The following PLD1 variants were observed in gnomAD, a reference collection of about 807,000 sequenced individuals.
PLD1 encodes the protein phospholipase D1.
A neutral mutation model predicts 137.1 loss-of-function variants in PLD1; 112 were observed. The observed-to-expected ratio is 0.82, with a 90% CI of 0.70 to 0.96. The LOEUF (loss-of-function observed/expected upper bound fraction) is 0.96, where lower values mean the gene tolerates loss of function less well. PLD1 is among the 40% of genes least tolerant of loss of function. The probability of loss-of-function intolerance (pLI) is 0.00; values close to 1 mark genes in which losing one functional copy is unlikely to be tolerated. For synonymous variants in PLD1, 431 were observed against 454.7 expected (o/e 0.95, Z 0.66); for missense variants, 1,321 against 1,342.0 (o/e 0.98, Z 0.24).
chr3:171,711,035 G>T (rs1218582322), intron 9 of PLD1, among the ~76,000 whole-genome samples: 1 of 151,162 alleles, frequency 6.6e-6, no homozygotes, highest in Admixed American at 6.6e-5. Flanking sequence ...CTCCACGCCC[G>T]GCTAATTTTG....
intron 14 of PLD1, 109 bp downstream of exon 14, chr3:171,688,567 C>T: frequency 1.1e-6 from 1 of 886,948 alleles, no homozygotes; most frequent in Non-Finnish European, 1.8e-6. Flanking sequence ...TTTTCCCCTC[C>T]AAGGAGACAC....
At chr3:171,693,981 C>T (rs1449730036) in intron 12 of PLD1, among the ~76,000 whole-genome samples, 1 of 152,098 alleles carries the variant, frequency 6.6e-6, no homozygotes, top group East Asian at 1.9e-4. Context: ...TAGATCACAT[C>T]ACAAGATACA....
intron 16 of PLD1, among the ~76,000 whole-genome samples, chr3:171,686,081 C>G (rs1578270649): frequency 6.7e-6 from 1 of 149,538 alleles, no homozygotes; most frequent in East Asian, 2.0e-4. Flanking sequence ...CCAAGACGGC[C>G]CTACTGCACT....
At chr3:171,604,478 G>T (rs1167548128) in intron 26 of PLD1, among the ~76,000 whole-genome samples, 1 of 151,868 alleles carries the variant, frequency 6.6e-6, no homozygotes, top group Non-Finnish European at 1.5e-5. Flanking sequence ...GTCTGTCCCT[G>T]GAAGTCATGA....
intron 1 of PLD1, chr3:171,788,954 T>A (rs552451052): frequency 3.3e-5 from 5 of 152,368 alleles, no homozygotes; most frequent in Non-Finnish European, 5.9e-5. Context: ...CCCTGTGCTA[T>A]GCACTCTGCT....
intron 23 of PLD1, among the ~76,000 whole-genome samples, chr3:171,627,965 G>A (rs1734284838): frequency 1.3e-5 from 2 of 151,550 alleles, no homozygotes; most frequent in African/African-American, 4.9e-5. Flanking sequence ...AAAAGCAAGA[G>A]CAAACACATT....
intron 24 of PLD1, among the ~76,000 whole-genome samples, chr3:171,615,036 G>T (rs1486053890): frequency 6.6e-6 from 1 of 152,204 alleles, no homozygotes; most frequent in African/African-American, 2.4e-5. Flanking sequence ...TAATAGGCAT[G>T]TGAGGAAAGA....
intron 23 of PLD1, 52 bp downstream of exon 23, chr3:171,642,787 AC>A (rs1341686494): frequency 1.1e-6 from 1 of 940,304 alleles, no homozygotes; most frequent in African/African-American, 1.7e-5. Context: ...GATTACTGAT[AC>A]CTCACCTTCA....
chr3:171,809,032 C>A (rs1723999817), intron 1 of PLD1: 1 of 151,686 alleles, frequency 6.6e-6, no homozygotes, highest in African/African-American at 2.4e-5. Context: ...ACCATGTTGG[C>A]CAGGCTGGTC....
At chr3:171,622,825 TAAA>T (rs1733752915) in intron 23 of PLD1, among the ~76,000 whole-genome samples, 1 of 150,766 alleles carries the variant, frequency 6.6e-6, no homozygotes, top group Non-Finnish European at 1.5e-5. Flanking sequence ...TATCAAATAA[TAAA>T]AATATTAAAT....
chr3:171,749,150 A>C (rs538558451), intron 1 of PLD1, among the ~76,000 whole-genome samples: 62 of 152,340 alleles, frequency 4.1e-4, no homozygotes, highest in Admixed American at 4.0e-3. Flanking sequence ...TGGCAGCAGC[A>C]ACAAAAACAA....
intron 9 of PLD1, among the ~76,000 whole-genome samples, chr3:171,712,499 A>T (rs1013478301): frequency 6.6e-6 from 1 of 152,250 alleles, no homozygotes; most frequent in Non-Finnish European, 1.5e-5. Flanking sequence ...ACATGGACAT[A>T]AGAAAAGCAA....
At chr3:171,674,075 C>A (rs951427346) in intron 19 of PLD1, among the ~76,000 whole-genome samples, 1 of 152,172 alleles carries the variant, frequency 6.6e-6, no homozygotes, top group Non-Finnish European at 1.5e-5. Flanking sequence ...TAAGCAAATT[C>A]CTTATTCCAT....
At chr3:171,747,447 C>A (rs1720313512) in intron 1 of PLD1, among the ~76,000 whole-genome samples, 1 of 151,596 alleles carries the variant, frequency 6.6e-6, no homozygotes. Flanking sequence ...TTGCCTTCTT[C>A]CCTGCCTCTC....
intron 8 of PLD1, among the ~76,000 whole-genome samples, chr3:171,720,325 G>T (rs1718012000): frequency 6.7e-6 from 1 of 149,820 alleles, no homozygotes; most frequent in African/African-American, 2.5e-5. Context: ...GCCGGGCGCG[G>T]TGGCTCACGC....
intron 19 of PLD1, among the ~76,000 whole-genome samples, chr3:171,664,459 ATTT>A (rs201782822): frequency 7.0e-6 from 1 of 142,430 alleles, no homozygotes; most frequent in Non-Finnish European, 1.5e-5. Flanking sequence ...AACCTCCAGG[ATTT>A]TTTTTTTTTT....
rs143914808 is a variant in PLD1, at chr3:171,738,656, G to A, written c.-31-574C>T. 1.7e-3 allele frequency among the ~76,000 whole-genome samples: 265 copies of A among 152,190 alleles called. 1 individual carries two copies. The highest frequency in any genetic ancestry group is 6.0e-3 in the African/African-American group (247 of 41,510). ...AGATTTTGGCCATGACTTTACGTGA[G>A]GTATAATGACGTATGTGTCTTGAAA... On this transcript the variant is annotated intron_variant, in intron 1 of 26. Transcript: ENST00000351298.
At chr3:171,681,535 T>A (rs1188842709) in intron 16 of PLD1, among the ~76,000 whole-genome samples, 1 of 152,226 alleles carries the variant, frequency 6.6e-6, no homozygotes, top group East Asian at 1.9e-4. Context: ...ACCTACCGAA[T>A]TTCTACATAT....
intron 23 of PLD1, among the ~76,000 whole-genome samples, chr3:171,632,140 C>T (rs1278384876): frequency 1.1e-4 from 17 of 152,228 alleles, no homozygotes; most frequent in Admixed American, 1.1e-3. Flanking sequence ...TTCTGTGATA[C>T]TGCTCCAAAA....
Sources: gnomAD v4.1 joint callset for allele counts (sites outside exome capture counted in the v4.1 genomes callset) on GRCh38, gnomAD v4.1.1 for gene constraint, MANE v1.5 for transcripts, NCBI Gene and HGNC (gene_info 2026-07-23, HGNC 2026-07-21) for gene names.